SYCP1: variants seen among roughly 807,000 people sequenced by gnomAD.
SYCP1 encodes cancer/testis antigen 8.
A neutral mutation model predicts 153.1 loss-of-function variants in SYCP1; 64 were observed. That is an observed-to-expected ratio of 0.42 (90% CI 0.34 to 0.51). The LOEUF (loss-of-function observed/expected upper bound fraction) is 0.51. SYCP1 is among the 20% of genes least tolerant of loss of function. The pLI is 0.06. For missense variants in SYCP1, 997 were observed against 1,049.0 expected, an observed-to-expected ratio of 0.95 and a Z score of 0.68; for synonymous variants, 384 against 341.8, an observed-to-expected ratio of 1.12 and a Z score of -1.36.
At chr1:114,975,277 C>T (rs1165960897) in intron 27 of SYCP1, among the ~76,000 whole-genome samples, 1 of 150,588 alleles carries the variant, frequency 6.6e-6, no homozygotes, top group Non-Finnish European at 1.5e-5. Flanking sequence ...ATGTTTTTGT[C>T]ATCTTATTTT....
chr1:114,993,331 T>G (rs980056128), intron 30 of SYCP1, among the ~76,000 whole-genome samples: 2 of 151,544 alleles, frequency 1.3e-5, no homozygotes, highest in African/African-American at 2.4e-5. Context: ...CCACAAAGCT[T>G]CTGAAGTTTT....
chr1:114,857,375 G>A, intron 4 of SYCP1, 69 bp from the exon 5 acceptor site: 1 of 1,521,660 alleles, frequency 6.6e-7, no homozygotes, highest in East Asian at 2.3e-5. Context: ...CTAGTCTTCT[G>A]TATTTAATTG....
intron 8 of SYCP1, among the ~76,000 whole-genome samples, chr1:114,863,341 C>T (rs904677470): frequency 1.4e-4 from 21 of 152,256 alleles, no homozygotes; most frequent in Non-Finnish European, 7.4e-5. Context: ...ATCACGAGGT[C>T]AAGAGATCAA....
intron 29 of SYCP1, among the ~76,000 whole-genome samples, chr1:114,982,438 T>G (rs756134337): frequency 2.0e-4 from 30 of 151,862 alleles, no homozygotes; most frequent in Non-Finnish European, 2.5e-4. Flanking sequence ...CTATTCCATA[T>G]CAGTTGAATT....
chr1:114,921,692 A>G (rs1437159271), intron 20 of SYCP1, among the ~76,000 whole-genome samples: 2 of 151,942 alleles, frequency 1.3e-5, no homozygotes, highest in Non-Finnish European at 2.9e-5. Context: ...ACATTCCACA[A>G]TTACAGTGTT....
intron 16 of SYCP1, among the ~76,000 whole-genome samples, chr1:114,902,113 G>A (rs908256757): frequency 6.6e-6 from 1 of 152,010 alleles, no homozygotes; most frequent in African/African-American, 2.4e-5. Flanking sequence ...GGAGGGCGGC[G>A]GGGAACTGCT....
intron 20 of SYCP1, among the ~76,000 whole-genome samples, chr1:114,915,477 G>A (rs1557796879): frequency 6.6e-6 from 1 of 152,188 alleles, no homozygotes; most frequent in Admixed American, 6.5e-5. Flanking sequence ...GGTGATACGT[G>A]TTCTATTTTC....
chr1:114,872,800 T>A (rs1426395195), intron 8 of SYCP1, among the ~76,000 whole-genome samples: 2 of 152,176 alleles, frequency 1.3e-5, no homozygotes, highest in Non-Finnish European at 2.9e-5. Context: ...GTGTCTAGTC[T>A]ACTAATAAGC....
chr1:114,954,575 ATTTATTT>A (rs901200546), intron 27 of SYCP1, among the ~76,000 whole-genome samples: 3 of 149,924 alleles, frequency 2.0e-5, no homozygotes, highest in African/African-American at 4.9e-5. Flanking sequence ...TTATTTATTT[ATTTATTT>A]TTTATTTATT....
At chr1:114,891,903 A>T (rs1046286392) in intron 15 of SYCP1, among the ~76,000 whole-genome samples, 1 of 152,254 alleles carries the variant, frequency 6.6e-6, no homozygotes, top group African/African-American at 2.4e-5. Flanking sequence ...AAAACAAATA[A>T]TCACAAATAA....
chr1:114,946,517 A>G (rs1481304014), intron 26 of SYCP1, 136 bp downstream of exon 26: 3 of 470,802 alleles, frequency 6.4e-6, no homozygotes, highest in Admixed American at 4.4e-5. Context: ...GATCTTATAG[A>G]TCTTCTAGTT....
At chr1:114,989,356 A>G (rs1263353955) in intron 30 of SYCP1, among the ~76,000 whole-genome samples, 1 of 151,980 alleles carries the variant, frequency 6.6e-6, no homozygotes, top group East Asian at 1.9e-4. Context: ...ATACACAAAA[A>G]GAAATGAGAA....
At chr1:114,864,320 A>G (rs967927238) in intron 8 of SYCP1, among the ~76,000 whole-genome samples, 1 of 152,138 alleles carries the variant, frequency 6.6e-6, no homozygotes. Context: ...TATTTTAGGA[A>G]AGAATATTTC....
chr1:114,955,639 A>C (rs908821179), intron 27 of SYCP1, among the ~76,000 whole-genome samples: 1 of 152,210 alleles, frequency 6.6e-6, no homozygotes, highest in Non-Finnish European at 1.5e-5. Flanking sequence ...CAAAACAACA[A>C]GAATTCTGCA....
chr1:114,935,598 A>C (rs1293160995), intron 23 of SYCP1, among the ~76,000 whole-genome samples: 1 of 152,236 alleles, frequency 6.6e-6, no homozygotes, highest in Non-Finnish European at 1.5e-5. Flanking sequence ...CCTTCCAAAA[A>C]ATCAATGAAT....
intron 27 of SYCP1, among the ~76,000 whole-genome samples, chr1:114,961,432 G>C (rs1403634830): frequency 6.6e-6 from 1 of 152,118 alleles, no homozygotes; most frequent in African/African-American, 2.4e-5. Flanking sequence ...TGTGACCTTA[G>C]ATTGTCTATT....
At position 114,978,320 on chromosome 1, in the gene SYCP1, A is replaced by G. The variant is rs560048117; in HGVS notation, c.2382+704A>G. Among the ~76,000 whole-genome samples the G allele has an allele frequency of 9.9e-5, 15 of 151,696 alleles. No homozygotes were observed. In the South Asian group the frequency reaches 3.1e-3, roughly 31 times the overall value. ...AAGAGCAGAATTTATGTGTAATTCT[A>G]ATAGTTCTCAAGGGGAGTAATAAGG... is the stretch of plus-strand genomic sequence containing the variant. On this transcript the variant is annotated intron_variant, in intron 28 of 31. Transcript: ENST00000369522.
chr1:114,923,015 A>G (rs933207110), intron 20 of SYCP1, among the ~76,000 whole-genome samples: 1 of 152,236 alleles, frequency 6.6e-6, no homozygotes, highest in Non-Finnish European at 1.5e-5. Context: ...CTTTGACTCT[A>G]TATACCACAT....
chr1:114,986,140 T>C (rs181509775), intron 30 of SYCP1, among the ~76,000 whole-genome samples: 6 of 152,092 alleles, frequency 3.9e-5, no homozygotes, highest in African/African-American at 1.4e-4. Context: ...CAATCCCCCA[T>C]GGATACTAAG....
Sources: allele counts gnomAD v4.1 joint callset (sites outside exome capture counted in the v4.1 genomes callset), GRCh38; gene constraint gnomAD v4.1.1; transcripts MANE v1.5; gene names NCBI Gene and HGNC (gene_info 2026-07-23, HGNC 2026-07-21).